TLE3: variants seen among roughly 807,000 people sequenced by gnomAD.
TLE3 encodes TLE family member 3, transcriptional corepressor, also known as transducin-like enhancer protein 3.
In TLE3, 14 loss-of-function variants were observed where a neutral mutation model predicts 93.0. That is an observed-to-expected ratio of 0.15 (90% CI 0.10 to 0.24). The LOEUF (loss-of-function observed/expected upper bound fraction) is 0.24. TLE3 is among the 10% of genes least tolerant of loss of function. TLE3 has a pLI of 1.00. For missense variants in TLE3, 693 were observed against 1,046.6 expected (o/e 0.66, Z 4.66); for synonymous variants, 451 against 425.0 (o/e 1.06, Z -0.75).
chr15:70,095,248 A>G, intron 3 of TLE3: 1 of 1,204,618 alleles, frequency 8.3e-7, no homozygotes, highest in Non-Finnish European at 1.1e-6. Context: ...GGCTGGTCCA[A>G]TCCTATCTTA....
rs1285775981 is a variant in TLE3, at chr15:70,048,132, T to G, written c.*1965A>C. 2 of 111,704 alleles carry G rather than the reference T, an allele frequency of 1.8e-5. No individual in the cohort carries two copies. The highest frequency in any genetic ancestry group is 1.1e-4 in the Admixed American group (1 of 8,816). 6.9% of individuals were successfully genotyped at this position (111,704 alleles called of 1,614,324 possible). On this transcript the variant is annotated 3_prime_UTR_variant, in exon 20 of 20. Transcript: ENST00000451782. Reference sequence around the variant, plus strand: ...AATGTGACAGCAACAGTGGCCTGGCTGTTTTCCCGGGGGGCGGGGGGCGGG... The same window carrying G: ...AATGTGACAGCAACAGTGGCCTGGCGGTTTTCCCGGGGGGCGGGGGGCGGG...
chr15:70,096,588 G>A, intron 1 of TLE3, 187 bp downstream of exon 1: 1 of 1,525,026 alleles, frequency 6.6e-7, no homozygotes, highest in East Asian at 2.5e-5. Flanking sequence ...AGCCCCCCGC[G>A]CCACTCGCGC....
rs146831581 is a variant in TLE3 at position 70,079,176 on chromosome 15, T to G, written c.235-3018A>C. 7.0e-3 allele frequency among the ~76,000 whole-genome samples: 1,067 copies of G among 152,068 alleles called. 6 individuals are homozygous for G. Among genetic ancestry groups the G allele is most frequent in the South Asian group, 0.019 (93 of 4,822 alleles). On this transcript the variant is annotated intron_variant, in intron 4 of 19. Coordinates refer to ENST00000451782, the MANE Select transcript of TLE3 (RefSeq NM_001105192.3). ...CCCTCCACCCTCCTAAAGTAGTTCC[T>G]GCCTCCCAACACCACAAACAAGCAT...
chr15:70,091,634 C>G (rs957531212), intron 4 of TLE3, among the ~76,000 whole-genome samples: 1 of 152,206 alleles, frequency 6.6e-6, no homozygotes, highest in African/African-American at 2.4e-5. Flanking sequence ...CCATTTATTA[C>G]TTCTCTGGGA....
At chr15:70,084,716 C>A (rs899162431) in intron 4 of TLE3, among the ~76,000 whole-genome samples, 1 of 150,708 alleles carries the variant, frequency 6.6e-6, no homozygotes, top group Non-Finnish European at 1.5e-5. Context: ...CTATCTGATG[C>A]GTGGCGCCCA....
intron 6 of TLE3, among the ~76,000 whole-genome samples, chr15:70,069,168 A>G (rs76296605): frequency 0.014 from 2,122 of 152,344 alleles, 56 homozygotes; most frequent in African/African-American, 0.048. Flanking sequence ...ATGTTTGCTC[A>G]GTACATGTCT....
chr15:70,096,587 C>G, intron 1 of TLE3, 188 bp downstream of exon 1: 1 of 1,525,668 alleles, frequency 6.6e-7, no homozygotes, highest in South Asian at 1.2e-5. Flanking sequence ...CAGCCCCCCG[C>G]GCCACTCGCG....
intron 4 of TLE3, among the ~76,000 whole-genome samples, chr15:70,079,156 C>T (rs948880016): frequency 3.3e-5 from 5 of 151,996 alleles, no homozygotes; most frequent in African/African-American, 1.2e-4. Flanking sequence ...CTCACCCCTC[C>T]ACCCTCCTAA....
At position 70,096,803 on chromosome 15, in the gene TLE3, G is replaced by GCGT; in HGVS notation, c.-6_-5insACG. 6.2e-7 allele frequency: 1 copy of GCGT among 1,612,558 alleles called. No homozygotes were observed. Among genetic ancestry groups the GCGT allele is most frequent in the Non-Finnish European group, 8.5e-7 (1 of 1,179,520 alleles). On this transcript the variant is annotated 5_prime_UTR_variant, in exon 1 of 20. Coordinates refer to ENST00000451782, the MANE Select transcript of TLE3 (RefSeq NM_001105192.3). ...ATGTCTGCCCTGCGGATACATGGCA[G>GCGT]GGAGGGGTCGTGATTCCGAGAGCGT...
At chr15:70,053,497 T>C (rs1014743807) in intron 16 of TLE3, 123 bp from the exon 17 acceptor site, 32 of 1,156,592 alleles carry the variant, frequency 2.8e-5, no homozygotes, top group Non-Finnish European at 3.5e-5. Context: ...ACTATGCGCA[T>C]GGTCCCTTAG....
chr15:70,055,012 C>G (rs746853611), intron 15 of TLE3, 37 bp downstream of exon 15: 1 of 1,559,844 alleles, frequency 6.4e-7, no homozygotes, highest in Non-Finnish European at 8.7e-7. Flanking sequence ...TCCTCCTACA[C>G]CAGCTGGAGG....
chr15:70,075,656 C>T (rs952746644), intron 5 of TLE3, among the ~76,000 whole-genome samples: 7 of 152,178 alleles, frequency 4.6e-5, no homozygotes, highest in Non-Finnish European at 5.9e-5. Context: ...ACCCACTAGT[C>T]CAGCCGCTGT....
intron 4 of TLE3, among the ~76,000 whole-genome samples, chr15:70,079,926 C>T (rs1410660103): frequency 6.6e-6 from 1 of 152,062 alleles, no homozygotes; most frequent in Non-Finnish European, 1.5e-5. Flanking sequence ...TTTGACATTT[C>T]AAGAGAGCTT....
chr15:70,066,895 C>G, intron 6 of TLE3: 1 of 381,374 alleles, frequency 2.6e-6, no homozygotes, highest in Non-Finnish European at 5.4e-6. Context: ...AGCTGTGTGG[C>G]CTGGGGCAGG....
chr15:70,062,933 CA>C (rs1010910347), intron 8 of TLE3, among the ~76,000 whole-genome samples: 6 of 152,136 alleles, frequency 3.9e-5, no homozygotes, highest in Admixed American at 6.5e-5. Flanking sequence ...TGGGGGTTCC[CA>C]GGGGGGGTCT....
chr15:70,054,076 T>C lies in TLE3; in HGVS notation c.1826+362A>G, dbSNP rs533861324. ...GGATTCAAAGCCAGCAGTTTTGTCCTGAGGCTTGTTTAGCTACCACGTGAT... is the reference window on the plus strand; with the variant it reads ...GGATTCAAAGCCAGCAGTTTTGTCCCGAGGCTTGTTTAGCTACCACGTGAT... On this transcript the variant is annotated intron_variant, in intron 16 of 19. Transcript: ENST00000451782. 1.6e-4 allele frequency: 32 copies of C among 197,660 alleles called. No individual in the cohort carries two copies. The South Asian group carries it at 3.7e-3, about 23-fold the overall frequency. The allele number at this position is 197,660 out of a possible 1,614,324, so 12.2% of individuals were successfully genotyped here.
At position 70,097,027 on chromosome 15, in the gene TLE3, CCGGGCGG is replaced by C. The variant is rs2058601411; in HGVS notation, c.-236_-230del. 3 of 570,344 alleles carry C rather than the reference CCGGGCGG, an allele frequency of 5.3e-6. No homozygotes were observed. The South Asian group carries it at 6.0e-5, about 11-fold the overall frequency. 35.3% of individuals were successfully genotyped at this position (570,344 alleles called of 1,614,324 possible). A position where few individuals can be genotyped will look rare whatever the true frequency, so the allele number is the denominator to read the frequency against. The stretch of plus-strand genomic sequence containing the variant: ...GCAAAGTCGTCGGCGGGCGCCGGGG[CCGGGCGG>C]CGGGCGCGGGCTTTGTGCGCCTAGG... On this transcript the variant is annotated 5_prime_UTR_variant, in exon 1 of 20. Transcript: ENST00000451782.
At chr15:70,080,892 C>A (rs964164516) in intron 4 of TLE3, among the ~76,000 whole-genome samples, 2 of 152,132 alleles carry the variant, frequency 1.3e-5, no homozygotes, top group African/African-American at 4.8e-5. Flanking sequence ...CCAGTCCTTG[C>A]CCTTATTTTT....
In TLE3 at chr15:70,090,278, C is replaced by T. The variant is rs79053021; in HGVS notation, c.234+4254G>A. On this transcript the variant is annotated intron_variant, in intron 4 of 19. Coordinates refer to ENST00000451782, the MANE Select transcript of TLE3 (RefSeq NM_001105192.3). ...ATCAATATAGCAGGAAAAGTCAAGA[C>T]AGATACCAGGGCATGGGGCCGGGTG... 8.0e-5 allele frequency among the ~76,000 whole-genome samples: 12 copies of T among 150,704 alleles called. No individual in the cohort carries two copies. The East Asian group carries it at 9.9e-4, about 12-fold the overall frequency.
Sources: allele counts gnomAD v4.1 joint callset (sites outside exome capture counted in the v4.1 genomes callset), GRCh38; gene constraint gnomAD v4.1.1; transcripts MANE v1.5; gene names NCBI Gene and HGNC (gene_info 2026-07-23, HGNC 2026-07-21).